Variants in HTR1E observed in about 807,000 individuals in gnomAD.
HTR1E encodes the protein 5-HT-1E.
A neutral mutation model predicts 3.4 loss-of-function variants in HTR1E; 3 were observed. That is an observed-to-expected ratio of 0.89 (90% CI 0.41 to 2.31). HTR1E has a LOEUF of 2.31. Ranked by LOEUF, HTR1E falls within the 30% of genes most tolerant of loss-of-function variation. HTR1E has a pLI of 0.05. For synonymous variants in HTR1E, 170 were observed against 182.8 expected (o/e 0.93, Z 0.56); for missense variants, 392 against 467.0 (o/e 0.84, Z 1.48).
intron 1 of HTR1E, among the ~76,000 whole-genome samples, chr6:86,990,286 C>A (rs1236867004): frequency 6.6e-6 from 1 of 152,174 alleles, no homozygotes; most frequent in Non-Finnish European, 1.5e-5. Flanking sequence ...TCATAAAGTT[C>A]ATTTTTATTA....
rs1490904869 is a variant in HTR1E at position 87,015,451 on chromosome 6, G to A, written c.117G>A (p.Leu39=). The A allele has an allele frequency of 6.2e-7, 1 of 1,613,972 alleles. No homozygotes were observed. Among genetic ancestry groups the A allele is most frequent in the East Asian group, 2.2e-5 (1 of 44,898 alleles). ...LVVITTLTTL[L]NLAVIMAIGT... ...TCATCACCACCCTCACCACGTTGCT[G>A]AACTTGGCTGTGATCATGGCTATTG... Residue 39 remains leucine (L), a synonymous_variant, in exon 2 of 2, where the codon CTG becomes CTA. Coordinates refer to ENST00000305344, the MANE Select transcript of HTR1E (RefSeq NM_000865.3).
intron 1 of HTR1E, among the ~76,000 whole-genome samples, chr6:86,988,745 G>A (rs182909350): frequency 2.0e-5 from 3 of 152,224 alleles, no homozygotes; most frequent in Non-Finnish European, 4.4e-5. Flanking sequence ...CCCAAAACAT[G>A]CATAAATGTG....
At chr6:87,000,567 C>T (rs1036658944) in intron 1 of HTR1E, among the ~76,000 whole-genome samples, 10 of 152,138 alleles carry the variant, frequency 6.6e-5, no homozygotes, top group African/African-American at 2.4e-4. Context: ...TCAGTGGAAA[C>T]CTTAGAGGCC....
At chr6:86,977,223 T>C (rs913292085) in intron 1 of HTR1E, among the ~76,000 whole-genome samples, 10 of 152,322 alleles carry the variant, frequency 6.6e-5, no homozygotes, top group Admixed American at 6.5e-4. Context: ...GTGTCTGTTG[T>C]TCCCACGTTT....
At chr6:86,967,237 C>G (rs1333612286) in intron 1 of HTR1E, among the ~76,000 whole-genome samples, 3 of 152,142 alleles carry the variant, frequency 2.0e-5, no homozygotes, top group Non-Finnish European at 2.9e-5. Context: ...ACTATACCCT[C>G]TAGCCAACCT....
chr6:87,007,856 A>T (rs976849890), intron 1 of HTR1E, among the ~76,000 whole-genome samples: 4 of 152,078 alleles, frequency 2.6e-5, no homozygotes, highest in Non-Finnish European at 5.9e-5. Flanking sequence ...ATCGCTTGAC[A>T]CTGGAAGGCG....
chr6:87,015,363 C>A lies in HTR1E; in HGVS notation c.29C>A (p.Ala10Asp). 1 of 1,586,644 alleles carries A rather than the reference C, an allele frequency of 6.3e-7. No individual in the cohort carries two copies. The highest frequency in any genetic ancestry group is 8.6e-7 in the Non-Finnish European group (1 of 1,162,906). The stretch of plus-strand genomic sequence containing the variant: ...AACATCACAAACTGTACCACAGAGG[C>A]CAGCATGGCTATAAGACCCAAGACC... MNITNCTTEASMAIRPKTIT... is the reference protein window; with the variant it reads MNITNCTTEDSMAIRPKTIT... The change falls in exon 2 of 2, where the codon GCC (alanine) becomes GAC (aspartate). Residue 10 changes from alanine to aspartate, a missense_variant. Physicochemically the swap from Ala to Asp is moderately radical, Grantham distance 126. Around this residue, in one of 3 missense-constraint regions of HTR1E, gnomAD observed 189 missense variants for 258.0 expected, o/e 0.73. Coordinates refer to ENST00000305344, the MANE Select transcript of HTR1E (RefSeq NM_000865.3).
Position 87,016,518 on chromosome 6 carries a change from TACTTG to T in HTR1E, c.*87_*91del. On this transcript the variant is annotated 3_prime_UTR_variant, in exon 2 of 2. Coordinates refer to ENST00000305344, the MANE Select transcript of HTR1E (RefSeq NM_000865.3). ...GGTGCAACTTATTAATTCTTGAACA[TACTTG>T]GTTCAGGAGAGTTTGTAAGTATGTG... The T allele has an allele frequency of 3.5e-6, 4 of 1,150,796 alleles. No individual in the cohort carries two copies. Among genetic ancestry groups the T allele is most frequent in the Non-Finnish European group, 3.7e-6 (3 of 806,110 alleles). The allele number at this position is 1,150,796 out of a possible 1,614,324, so 71.3% of individuals were successfully genotyped here.
intron 1 of HTR1E, among the ~76,000 whole-genome samples, chr6:86,999,707 T>C (rs1280563735): frequency 6.6e-6 from 1 of 152,200 alleles, no homozygotes; most frequent in Non-Finnish European, 1.5e-5. Flanking sequence ...CTTATTGGAA[T>C]AGCGCTTGGG....
At chr6:87,014,123 C>T (rs997497688) in intron 1 of HTR1E, among the ~76,000 whole-genome samples, 4 of 151,650 alleles carry the variant, frequency 2.6e-5, no homozygotes, top group East Asian at 3.9e-4. Context: ...GGTCGGGGGA[C>T]GGGGGAGTGA....
rs1467853630 is a variant in HTR1E, at chr6:87,016,199, G to T, written c.865G>T (p.Ala289Ser). ...GATCTCTAGCACCAGGGAACGGAAG[G>T]CAGCACGCATCCTGGGGCTGATTCT... is the stretch of plus-strand genomic sequence containing the variant. ...QQISSTRERK[A>S]ARILGLILGA... Residue 289 changes from alanine (A) to serine (S), a missense_variant, in exon 2 of 2, where the codon GCA (alanine) becomes TCA (serine). Physicochemically the swap from Ala to Ser is moderately conservative, Grantham distance 99 (BLOSUM62 1). This residue lies in a region of HTR1E where 178 missense variants were observed against 164.9 expected (regional missense o/e 1.08). Coordinates refer to ENST00000305344, the MANE Select transcript of HTR1E (RefSeq NM_000865.3). 1.2e-6 allele frequency: 2 copies of T among 1,614,016 alleles called. No homozygotes were observed. The highest frequency in any genetic ancestry group is 3.3e-5 in the Admixed American group (2 of 60,004).
At chr6:86,971,916 T>G (rs950548455) in intron 1 of HTR1E, among the ~76,000 whole-genome samples, 5 of 152,136 alleles carry the variant, frequency 3.3e-5, no homozygotes, top group Admixed American at 3.3e-4. Flanking sequence ...CAGTATCTGG[T>G]TTTCTAGAAA....
chr6:87,011,515 G>A (rs1446399807), intron 1 of HTR1E, among the ~76,000 whole-genome samples: 1 of 152,196 alleles, frequency 6.6e-6, no homozygotes, highest in Admixed American at 6.5e-5. Context: ...TAATGGTTGA[G>A]ACGTTATATA....
At chr6:86,954,116 A>C (rs1767289137) in intron 1 of HTR1E, among the ~76,000 whole-genome samples, 1 of 152,200 alleles carries the variant, frequency 6.6e-6, no homozygotes, top group Non-Finnish European at 1.5e-5. Context: ...CAGGAGCTGT[A>C]GTAGGGACAT....
At chr6:87,012,850 C>A (rs1464996308) in intron 1 of HTR1E, among the ~76,000 whole-genome samples, 1 of 152,168 alleles carries the variant, frequency 6.6e-6, no homozygotes, top group Non-Finnish European at 1.5e-5. Flanking sequence ...CGTTAAAGAA[C>A]ATGCTTAGGA....
In HTR1E at chr6:87,001,086, A is replaced by G. The variant is rs543076075; in HGVS notation, c.-185-14064A>G. ...AATTAGTCTGTTTTAAGTTATCATC[A>G]GCTTAAAATAATGGGCTGTAAGGGA... On this transcript the variant is annotated intron_variant, in intron 1 of 1. Coordinates refer to ENST00000305344, the MANE Select transcript of HTR1E (RefSeq NM_000865.3). 6.6e-5 allele frequency among the ~76,000 whole-genome samples: 10 copies of G among 152,294 alleles called. No individual in the cohort carries two copies. The South Asian group carries it at 2.1e-3, about 32-fold the overall frequency.
intron 1 of HTR1E, among the ~76,000 whole-genome samples, chr6:87,004,287 T>C (rs891743245): frequency 1.3e-5 from 2 of 152,024 alleles, no homozygotes; most frequent in African/African-American, 4.8e-5. Context: ...CAGACAAAGA[T>C]ATCAAAAATA....
intron 1 of HTR1E, among the ~76,000 whole-genome samples, chr6:86,968,737 T>C (rs1475995861): frequency 6.6e-6 from 1 of 152,162 alleles, no homozygotes; most frequent in African/African-American, 2.4e-5. Context: ...ATTGCAAATA[T>C]TTTTCCTAGT....
intron 1 of HTR1E, among the ~76,000 whole-genome samples, chr6:86,992,250 C>T (rs140762794): frequency 1.3e-5 from 2 of 152,336 alleles, no homozygotes; most frequent in East Asian, 3.9e-4. Context: ...CTGCTTTCTA[C>T]AAAAGCTTTA....
Sources: allele counts gnomAD v4.1 joint callset (sites outside exome capture counted in the v4.1 genomes callset), GRCh38; gene constraint gnomAD v4.1.1; regional missense constraint gnomAD v4.1.1; transcripts MANE v1.5; gene names NCBI Gene and HGNC (gene_info 2026-07-23, HGNC 2026-07-21).